The following BMP6 variants were observed in gnomAD, a reference collection of about 807,000 sequenced individuals.
BMP6 encodes bone morphogenetic protein 6, also known as VG-1-R.
A neutral mutation model predicts 54.1 loss-of-function variants in BMP6; 17 were observed. That is an observed-to-expected ratio of 0.31 (90% CI 0.22 to 0.47). The LOEUF is 0.47. Ranked by LOEUF, BMP6 falls within the 20% of genes least tolerant of loss-of-function variation. The pLI is 1.00. For synonymous variants in BMP6, 328 were observed against 291.2 expected, an observed-to-expected ratio of 1.13 and a Z score of -1.28; for missense variants, 720 against 690.4, an observed-to-expected ratio of 1.04 and a Z score of -0.48.
At chr6:7,870,804 T>G (rs1225927) in intron 4 of BMP6, among the ~76,000 whole-genome samples, 49,937 of 152,062 alleles carry the variant, frequency 0.33, 8,864 homozygotes, top group East Asian at 0.65. Context: ...ATTTTTTGTA[T>G]TTTTAGTAGA....
chr6:7,833,536 C>G (rs913890109), intron 1 of BMP6, among the ~76,000 whole-genome samples: 9 of 152,162 alleles, frequency 5.9e-5, no homozygotes, highest in Non-Finnish European at 1.3e-4. Context: ...AAACGCAAGC[C>G]TCTTTGGAGA....
chr6:7,754,778 T>C (rs1757486472), intron 1 of BMP6, among the ~76,000 whole-genome samples: 1 of 152,186 alleles, frequency 6.6e-6, no homozygotes, highest in African/African-American at 2.4e-5. Flanking sequence ...AGTGCAGTGG[T>C]GCGATCTCGG....
chr6:7,747,479 G>T (rs547703103), intron 1 of BMP6, among the ~76,000 whole-genome samples: 131 of 152,258 alleles, frequency 8.6e-4, no homozygotes, highest in African/African-American at 2.8e-3. Flanking sequence ...GCTGGGAAGG[G>T]CCCTGAGCTG....
At chr6:7,750,332 G>A (rs777600524) in intron 1 of BMP6, among the ~76,000 whole-genome samples, 1 of 152,148 alleles carries the variant, frequency 6.6e-6, no homozygotes, top group Non-Finnish European at 1.5e-5. Flanking sequence ...TGGAACTTCC[G>A]AACTGCAGAG....
chr6:7,774,186 C>T (rs1356391785), intron 1 of BMP6, among the ~76,000 whole-genome samples: 1 of 152,150 alleles, frequency 6.6e-6, no homozygotes, highest in Non-Finnish European at 1.5e-5. Flanking sequence ...TTGGGTGGCT[C>T]CCTCAGCCTG....
chr6:7,751,762 C>T (rs1315172497), intron 1 of BMP6, among the ~76,000 whole-genome samples: 1 of 152,200 alleles, frequency 6.6e-6, no homozygotes, highest in Non-Finnish European at 1.5e-5. Context: ...CAGGGATCTC[C>T]TTAGCCTAAT....
At chr6:7,864,393 C>T (rs1759384558) in intron 4 of BMP6, among the ~76,000 whole-genome samples, 1 of 152,168 alleles carries the variant, frequency 6.6e-6, no homozygotes, top group Non-Finnish European at 1.5e-5. Context: ...TGAAAAGCAT[C>T]AAAATCTGGC....
chr6:7,814,271 C>T (rs984994560), intron 1 of BMP6, among the ~76,000 whole-genome samples: 3 of 152,210 alleles, frequency 2.0e-5, no homozygotes, highest in Admixed American at 6.5e-5. Flanking sequence ...TGCAGAATCC[C>T]TATTGCCACG....
At chr6:7,760,324 T>A (rs1479665178) in intron 1 of BMP6, among the ~76,000 whole-genome samples, 1 of 152,204 alleles carries the variant, frequency 6.6e-6, no homozygotes, top group Non-Finnish European at 1.5e-5. Flanking sequence ...AATACCTTTG[T>A]CAGTCTGCAT....
chr6:7,781,404 C>G (rs961638659), intron 1 of BMP6, among the ~76,000 whole-genome samples: 4 of 143,206 alleles, frequency 2.8e-5, no homozygotes, highest in Non-Finnish European at 4.9e-5. Context: ...GCTTAGTGAG[C>G]TCGTCTATTT....
At chr6:7,840,276 G>T (rs1210071757) in intron 1 of BMP6, among the ~76,000 whole-genome samples, 2 of 152,180 alleles carry the variant, frequency 1.3e-5, no homozygotes, top group Non-Finnish European at 2.9e-5. Context: ...TAAAGGGCAG[G>T]GGAGTGATAA....
chr6:7,802,811 G>A (rs1758291026), intron 1 of BMP6, among the ~76,000 whole-genome samples: 1 of 152,214 alleles, frequency 6.6e-6, no homozygotes, highest in Non-Finnish European at 1.5e-5. Flanking sequence ...CTTCTTTCCA[G>A]ATGGTGAGAC....
intron 1 of BMP6, among the ~76,000 whole-genome samples, chr6:7,842,690 A>G (rs1164676555): frequency 6.6e-6 from 1 of 152,230 alleles, no homozygotes; most frequent in Non-Finnish European, 1.5e-5. Context: ...ACCCACGGGC[A>G]TAGATGCTGG....
At chr6:7,879,051 C>T (rs771233974) in intron 4 of BMP6, 23 bp from the exon 5 acceptor site, 1 of 1,603,090 alleles carries the variant, frequency 6.2e-7, no homozygotes, top group Non-Finnish European at 8.5e-7. Context: ...TTGATGGGTG[C>T]ATCTTTTGAT....
chr6:7,787,150 TAA>T (rs1349379077), intron 1 of BMP6, among the ~76,000 whole-genome samples: 17 of 152,192 alleles, frequency 1.1e-4, no homozygotes, highest in Non-Finnish European at 1.3e-4. Context: ...GGAACAGAAG[TAA>T]AGAGTTTGGG....
chr6:7,790,514 CAAAAAAAAAAAAAA>C (rs35572440), intron 1 of BMP6, among the ~76,000 whole-genome samples: 11,520 of 73,668 alleles, frequency 0.16, 775 homozygotes, highest in Middle Eastern at 0.26. Context: ...GACCCTGTCT[CAAAAAAAAAAAAAA>C]AAAAAAAAAA....
intron 1 of BMP6, among the ~76,000 whole-genome samples, chr6:7,835,786 A>G (rs1055773472): frequency 6.6e-6 from 1 of 152,090 alleles, no homozygotes; most frequent in Non-Finnish European, 1.5e-5. Flanking sequence ...GTCCACTACT[A>G]ATTTCCATAA....
At chr6:7,730,946 G>A (rs1325686537) in intron 1 of BMP6, among the ~76,000 whole-genome samples, 1 of 152,208 alleles carries the variant, frequency 6.6e-6, no homozygotes, top group East Asian at 1.9e-4. Flanking sequence ...GGGACTGGGG[G>A]AATAATTTAC....
chr6:7,844,606 C>G (rs1339896794), intron 1 of BMP6, among the ~76,000 whole-genome samples: 3 of 152,156 alleles, frequency 2.0e-5, no homozygotes, highest in Non-Finnish European at 2.9e-5. Flanking sequence ...TTTGCCCACC[C>G]CCCTTCCCCA....
Sources: gnomAD v4.1 joint callset for allele counts (sites outside exome capture counted in the v4.1 genomes callset) on GRCh38, gnomAD v4.1.1 for gene constraint, MANE v1.5 for transcripts, NCBI Gene and HGNC (gene_info 2026-07-23, HGNC 2026-07-21) for gene names.